Variants in DOK6 observed in about 807,000 individuals in gnomAD.
DOK6 encodes the protein downstream of tyrosine kinase 6.
A neutral mutation model predicts 44.0 loss-of-function variants in DOK6; 22 were observed. That is an observed-to-expected ratio of 0.50 (90% CI 0.36 to 0.71). The LOEUF is 0.71. DOK6 is among the 30% of genes least tolerant of loss of function. The probability of loss-of-function intolerance (pLI) is 0.00; values close to 1 mark genes in which losing one functional copy is unlikely to be tolerated. For synonymous variants in DOK6, 166 were observed against 145.5 expected, an observed-to-expected ratio of 1.14 and a Z score of -1.01; for missense variants, 340 against 416.4, an observed-to-expected ratio of 0.82 and a Z score of 1.60.
chr18:69,494,878 G>A (rs555923080), intron 1 of DOK6, among the ~76,000 whole-genome samples: 3 of 152,336 alleles, frequency 2.0e-5, no homozygotes, highest in Non-Finnish European at 4.4e-5. Context: ...ACCTTTGTGT[G>A]AGTTTTGCTT....
At chr18:69,743,456 G>C (rs999996168) in intron 6 of DOK6, among the ~76,000 whole-genome samples, 4 of 152,142 alleles carry the variant, frequency 2.6e-5, no homozygotes, top group African/African-American at 9.7e-5. Flanking sequence ...GACTTAGCCT[G>C]TTAAGGTTGA....
chr18:69,515,775 G>T (rs1201111652), intron 1 of DOK6, among the ~76,000 whole-genome samples: 5 of 152,194 alleles, frequency 3.3e-5, no homozygotes, highest in Non-Finnish European at 5.9e-5. Context: ...AAAATAAGTT[G>T]TGTAACACTA....
chr18:69,583,867 G>T (rs2144611720), intron 2 of DOK6, among the ~76,000 whole-genome samples: 1 of 152,158 alleles, frequency 6.6e-6, no homozygotes, highest in Non-Finnish European at 1.5e-5. Context: ...CCAGCACTTT[G>T]GGAGACCAAG....
At chr18:69,838,696 A>G (rs2145138332) in intron 7 of DOK6, among the ~76,000 whole-genome samples, 1 of 152,046 alleles carries the variant, frequency 6.6e-6, no homozygotes, top group South Asian at 2.1e-4. Flanking sequence ...GAGGCAACAT[A>G]TATACCTGGT....
chr18:69,723,294 G>A (rs1019315944), intron 5 of DOK6, among the ~76,000 whole-genome samples: 2 of 152,194 alleles, frequency 1.3e-5, no homozygotes, highest in East Asian at 3.9e-4. Context: ...ACAAGAAACA[G>A]GTTGAGAAAT....
rs762057653 is a variant in DOK6 at position 69,599,465 on chromosome 18, G to A, written c.256G>A (p.Asp86Asn). ...GCATGCGGTGGCAATCATCTTTCAC[G>A]ATGAAACATCGAAGACATTTGCCTG... The part of the protein sequence containing the change: ...KKHAVAIIFH[D>N]ETSKTFACES... Residue 86 changes from aspartate (D) to asparagine (N), a missense_variant, in exon 3 of 8, where the codon GAT becomes AAT. Around this residue, in one of 3 missense-constraint regions of DOK6, gnomAD observed 206 missense variants for 258.6 expected, o/e 0.80. Coordinates refer to ENST00000382713, the MANE Select transcript of DOK6 (RefSeq NM_152721.6). 117 of 1,613,736 alleles carry A rather than the reference G, an allele frequency of 7.3e-5. No individual in the cohort carries two copies. The highest frequency in any genetic ancestry group is 8.4e-5 in the Non-Finnish European group (99 of 1,179,934).
intron 7 of DOK6, among the ~76,000 whole-genome samples, chr18:69,828,221 A>T (rs1473253756): frequency 6.6e-6 from 1 of 151,858 alleles, no homozygotes; most frequent in East Asian, 1.9e-4. Flanking sequence ...ATTTTTCATT[A>T]TATTTTCCCA....
intron 1 of DOK6, among the ~76,000 whole-genome samples, chr18:69,479,369 G>T (rs1453272789): frequency 6.6e-6 from 1 of 152,072 alleles, no homozygotes; most frequent in Non-Finnish European, 1.5e-5. Context: ...TTCATGGTAT[G>T]GGCTAGAGTA....
rs534285986 is a variant in DOK6, at chr18:69,478,801, C to T, written c.66+77491C>T. 5.9e-5 allele frequency among the ~76,000 whole-genome samples: 9 copies of T among 152,202 alleles called. No individual in the cohort carries two copies. The South Asian group carries it at 1.9e-3, about 32-fold the overall frequency. ...TTGGTACATTACTGTTAACTAAACC[C>T]CACACTTTATTTGGATATCATGGGC... On this transcript the variant is annotated intron_variant, in intron 1 of 7. Transcript: ENST00000382713.
chr18:69,459,347 T>C (rs987897621), intron 1 of DOK6, among the ~76,000 whole-genome samples: 1 of 152,100 alleles, frequency 6.6e-6, no homozygotes, highest in Non-Finnish European at 1.5e-5. Context: ...TATTATGTGC[T>C]TGTTTCTTAT....
At chr18:69,834,669 TA>T (rs1440352973) in intron 7 of DOK6, among the ~76,000 whole-genome samples, 1 of 152,192 alleles carries the variant, frequency 6.6e-6, no homozygotes, top group Non-Finnish European at 1.5e-5. Flanking sequence ...AATATATTAA[TA>T]AAAAATATAC....
intron 1 of DOK6, among the ~76,000 whole-genome samples, chr18:69,475,598 T>C (rs1485376712): frequency 6.6e-6 from 1 of 152,210 alleles, no homozygotes; most frequent in Non-Finnish European, 1.5e-5. Context: ...CCTTGAATTG[T>C]GTTCCTGGAA....
chr18:69,834,973 A>G (rs1014023743), intron 7 of DOK6, among the ~76,000 whole-genome samples: 3 of 152,184 alleles, frequency 2.0e-5, no homozygotes, highest in African/African-American at 7.2e-5. Context: ...AAGAGAGCAA[A>G]TGATCAAAAC....
At chr18:69,735,679 A>G (rs1041297770) in intron 5 of DOK6, among the ~76,000 whole-genome samples, 2 of 152,222 alleles carry the variant, frequency 1.3e-5, no homozygotes, top group Non-Finnish European at 2.9e-5. Flanking sequence ...TTCAGGCTCC[A>G]GGCTGCATCA....
At chr18:69,406,934 A>T (rs1916216926) in intron 1 of DOK6, among the ~76,000 whole-genome samples, 1 of 152,144 alleles carries the variant, frequency 6.6e-6, no homozygotes, top group South Asian at 2.1e-4. Flanking sequence ...TACAAAAATT[A>T]GCGGGGTGCA....
chr18:69,621,710 G>A (rs964058103), intron 3 of DOK6, among the ~76,000 whole-genome samples: 1 of 152,146 alleles, frequency 6.6e-6, no homozygotes, highest in African/African-American at 2.4e-5. Flanking sequence ...TGGAATGACA[G>A]GAGGCATTTC....
chr18:69,825,678 A>C (rs1599346708), intron 7 of DOK6, among the ~76,000 whole-genome samples: 1 of 151,760 alleles, frequency 6.6e-6, no homozygotes, highest in Non-Finnish European at 1.5e-5. Context: ...ACTTCTATTC[A>C]AGATTTAACT....
intron 3 of DOK6, chr18:69,659,964 A>T (rs548135766): frequency 2.0e-5 from 3 of 146,660 alleles, no homozygotes; most frequent in African/African-American, 7.4e-5. Context: ...TGTATGTTTT[A>T]TATATATATA....
intron 4 of DOK6, among the ~76,000 whole-genome samples, chr18:69,682,917 T>C (rs1343468754): frequency 6.6e-6 from 1 of 152,198 alleles, no homozygotes; most frequent in East Asian, 1.9e-4. Context: ...ACTCTTGATG[T>C]CCATCAATGA....
Sources: allele counts gnomAD v4.1 joint callset (sites outside exome capture counted in the v4.1 genomes callset), GRCh38; gene constraint gnomAD v4.1.1; regional missense constraint gnomAD v4.1.1; transcripts MANE v1.5; gene names NCBI Gene and HGNC (gene_info 2026-07-23, HGNC 2026-07-21).